Variants in CNOT3 observed in about 807,000 individuals in gnomAD.
CNOT3 encodes the protein CCR4-associated factor 3.
Under a neutral mutation model 89.4 loss-of-function variants are expected in CNOT3, and 2 were observed. That is an observed-to-expected ratio of 0.02 (90% CI 0.01 to 0.07). The LOEUF is 0.07. Ranked by LOEUF, CNOT3 falls within the 10% of genes least tolerant of loss-of-function variation. The probability of loss-of-function intolerance (pLI) is 1.00; values close to 1 mark genes in which losing one functional copy is unlikely to be tolerated. For missense variants in CNOT3, 664 were observed against 1,010.2 expected (o/e 0.66, Z 4.65); for synonymous variants, 486 against 402.0 (o/e 1.21, Z -2.50).
At position 54,148,698 on chromosome 19, in the gene CNOT3, C is replaced by T. The variant is rs764961664; in HGVS notation, c.1361C>T (p.Ala454Val). The T allele has an allele frequency of 1.2e-6, 2 of 1,611,946 alleles. No homozygotes were observed. Among genetic ancestry groups the T allele is most frequent in the Non-Finnish European group, 1.7e-6 (2 of 1,179,258 alleles). The stretch of plus-strand genomic sequence containing the variant: ...GGGGGCAACAATGCCAGCAGCCAGG[C>T]CTTGGGCCCCCCTTCCGGCCCCCAC... ...SSGGNNASSQ[A>V]LGPPSGPHNP... Residue 454 changes from alanine (A) to valine (V), a missense_variant, in exon 12 of 18, where the codon GCC (alanine) becomes GTC (valine). This residue lies in a region of CNOT3 where 545 missense variants were observed against 566.2 expected (regional missense o/e 0.96). Coordinates refer to ENST00000221232, the MANE Select transcript of CNOT3 (RefSeq NM_014516.4). The surrounding 1 kb of genome is among the most constrained non-coding windows in gnomAD (Gnocchi z 6.3).
intron 1 of CNOT3, among the ~76,000 whole-genome samples, chr19:54,138,983 G>C (rs2074339158): frequency 6.6e-6 from 1 of 152,212 alleles, no homozygotes; most frequent in South Asian, 2.1e-4. Context: ...GCGTCTCCCA[G>C]TGATATCAGG....
At chr19:54,140,797 A>C (rs2146537951) in intron 1 of CNOT3, among the ~76,000 whole-genome samples, 1 of 152,078 alleles carries the variant, frequency 6.6e-6, no homozygotes, top group Admixed American at 6.5e-5. Flanking sequence ...TGACCCCTCC[A>C]GGACTTCCTT....
At chr19:54,150,004 C>G (rs587694943) in intron 13 of CNOT3, among the ~76,000 whole-genome samples, 20 of 152,252 alleles carry the variant, frequency 1.3e-4, no homozygotes, top group African/African-American at 4.6e-4. Flanking sequence ...GTCTCTTTTC[C>G]TTTCTCTTGG....
rs2074619131 is a variant in CNOT3, at chr19:54,145,335, C to A, written c.484-263C>A. 6.6e-6 allele frequency among the ~76,000 whole-genome samples: 1 copy of A among 152,044 alleles called. No individual in the cohort carries two copies. Among genetic ancestry groups the A allele is most frequent in the African/African-American group, 2.4e-5 (1 of 41,392 alleles). The stretch of plus-strand genomic sequence containing the variant: ...TGGGATGGCACAAGGACCTCTGGGT[C>A]TTTTAGAGGTTTCCAAGGACTCCTG... On this transcript the variant is annotated intron_variant, in intron 7 of 17. Coordinates refer to ENST00000221232, the MANE Select transcript of CNOT3 (RefSeq NM_014516.4). The surrounding 1 kb of genome is among the most constrained non-coding windows in gnomAD (Gnocchi z 5.9).
intron 13 of CNOT3, among the ~76,000 whole-genome samples, chr19:54,150,389 A>G (rs2075005229): frequency 6.6e-6 from 1 of 152,194 alleles, no homozygotes; most frequent in African/African-American, 2.4e-5. Context: ...GCTGGGCAGG[A>G]TGCAGCAGAG....
chr19:54,143,011 A>G lies in CNOT3; in HGVS notation c.25+8A>G, dbSNP rs987219148. ...ACAAGCGCAAACTCCAAGGTACTAGACTGACTTCCTGCTGCACCTGTAGCC... is the reference window on the plus strand; with the variant it reads ...ACAAGCGCAAACTCCAAGGTACTAGGCTGACTTCCTGCTGCACCTGTAGCC... On this transcript the variant is annotated splice_region_variant and intron_variant, in intron 2 of 17. Coordinates refer to ENST00000221232, the MANE Select transcript of CNOT3 (RefSeq NM_014516.4). 5.0e-6 allele frequency: 8 copies of G among 1,614,064 alleles called. No homozygotes were observed. Among genetic ancestry groups the G allele is most frequent in the Non-Finnish European group, 6.8e-6 (8 of 1,179,984 alleles).
chr19:54,152,290 A>G lies in CNOT3; in HGVS notation c.1670A>G (p.Glu557Gly). ...AERAAISSGI[E>G]DPVPTLHLTE... ...CGGGCAGCCATCAGCTCTGGCATTG[A>G]GGACCCTGTGCCAACGCTGCACCTG... is the stretch of plus-strand genomic sequence containing the variant. The change falls in exon 14 of 18, where the codon GAG (glutamate) becomes GGG (glycine). Residue 557 changes from glutamate (E) to glycine (G), a missense_variant. Transcript: ENST00000221232. 6.2e-7 allele frequency: 1 copy of G among 1,614,152 alleles called. No individual in the cohort carries two copies. The highest frequency in any genetic ancestry group is 1.1e-5 in the South Asian group (1 of 91,082).
intron 13 of CNOT3, among the ~76,000 whole-genome samples, chr19:54,151,036 C>A (rs1011301496): frequency 2.6e-5 from 4 of 152,100 alleles, no homozygotes; most frequent in African/African-American, 9.7e-5. Context: ...GGTGATCCAC[C>A]CACCTTGACC....
At chr19:54,139,746 T>TA (rs1403892296) in intron 1 of CNOT3, among the ~76,000 whole-genome samples, 1 of 152,090 alleles carries the variant, frequency 6.6e-6, no homozygotes, top group Admixed American at 6.5e-5. Flanking sequence ...GGATGTAAGA[T>TA]ACCTGAGTCT....
At position 54,142,944 on chromosome 19, in the gene CNOT3, G is replaced by A. The variant is rs2074512848; in HGVS notation, c.-35G>A. 2 of 1,610,560 alleles carry A rather than the reference G, an allele frequency of 1.2e-6. No homozygotes were observed. Among genetic ancestry groups the A allele is most frequent in the African/African-American group, 1.3e-5 (1 of 74,862 alleles). On this transcript the variant is annotated 5_prime_UTR_variant, in exon 2 of 18. Coordinates refer to ENST00000221232, the MANE Select transcript of CNOT3 (RefSeq NM_014516.4). ...CTCCTAGCAGCGTCCGTCTCCAAGA[G>A]AGTATGAAGAGAGTGCGTCTGTAGG...
At chr19:54,146,687 G>T (rs762308435) in intron 10 of CNOT3, 30 bp downstream of exon 10, 1 of 1,252,232 alleles carries the variant, frequency 8.0e-7, no homozygotes, top group Non-Finnish European at 1.2e-6. Context: ...GGGTGGGCAC[G>T]CCATTCACTC....
Position 54,149,708 on chromosome 19 carries a change from G to A in CNOT3, c.1555G>A (p.Gly519Ser), listed in dbSNP as rs1397111648. 48 of 1,613,784 alleles carry A rather than the reference G, an allele frequency of 3.0e-5. No individual in the cohort carries two copies. In the East Asian group the frequency reaches 5.6e-4, roughly 19 times the overall value. ...CAGCTTCAGTGATGCCAAGGCAGCC[G>A]GTGCCCTGCTCAATGGGCCTCCACA... is the stretch of plus-strand genomic sequence containing the variant. ...TPSFSDAKAA[G>S]ALLNGPPQFS... The change falls in exon 13 of 18, where the codon GGT (glycine) becomes AGT (serine). Residue 519 changes from glycine (G) to serine (S), a missense_variant. Gly to Ser is a moderately conservative substitution (Grantham distance 56, BLOSUM62 0). This residue lies in a region of CNOT3 where 545 missense variants were observed against 566.2 expected (regional missense o/e 0.96). Transcript: ENST00000221232.
At chr19:54,143,268 C>A in intron 3 of CNOT3, 82 bp downstream of exon 3, 1 of 1,295,574 alleles carries the variant, frequency 7.7e-7, no homozygotes, top group Non-Finnish European at 1.1e-6. Context: ...GGGTGTTGAC[C>A]AGCGGGAGGG....
chr19:54,155,103 C>T (rs1474466872), intron 17 of CNOT3: 5 of 609,580 alleles, frequency 8.2e-6, no homozygotes, highest in East Asian at 3.1e-5. Flanking sequence ...CGGCCCCCTC[C>T]GTTTCCTCCT....
chr19:54,149,840 C>A, intron 13 of CNOT3, 82 bp downstream of exon 13: 1 of 1,289,090 alleles, frequency 7.8e-7, no homozygotes, highest in Non-Finnish European at 1.0e-6. Flanking sequence ...GCACCCCTTG[C>A]CCCCACCCTC....
Position 54,152,697 on chromosome 19 carries a change from G to A in CNOT3, c.1904+71G>A, listed in dbSNP as rs1043332003. 8 of 1,321,900 alleles carry A rather than the reference G, an allele frequency of 6.1e-6. No homozygotes were observed. In the African/African-American group the frequency reaches 1.2e-4, roughly 19 times the overall value. The allele number at this position is 1,321,900 out of a possible 1,614,324, so 81.9% of individuals were successfully genotyped here. ...CGGAGGAGGCAGTGGCTGAACCTGT[G>A]AGGCTGTGGGTAGAGCACCAGGCCC... On this transcript the variant is annotated intron_variant, in intron 15 of 17. Transcript: ENST00000221232.
chr19:54,143,591 G>A (rs1568633413), intron 4 of CNOT3, 69 bp from the exon 5 acceptor site: 6 of 1,604,644 alleles, frequency 3.7e-6, no homozygotes, highest in Non-Finnish European at 4.3e-6. Context: ...CTGGGTCCCA[G>A]GGAGAAGGAG....
chr19:54,143,786 A>G, intron 5 of CNOT3, 37 bp downstream of exon 5: 1 of 1,593,094 alleles, frequency 6.3e-7, no homozygotes, highest in Non-Finnish European at 8.6e-7. Context: ...AGAGGTGGGA[A>G]GGTCACCAGA....
chr19:54,152,693 C>T (rs2146763339), intron 15 of CNOT3, 67 bp downstream of exon 15: 1 of 1,334,520 alleles, frequency 7.5e-7, no homozygotes, highest in African/African-American at 1.4e-5. Context: ...GTGGCTGAAC[C>T]TGTGAGGCTG....
Sources: allele counts gnomAD v4.1 joint callset (sites outside exome capture counted in the v4.1 genomes callset), GRCh38; gene constraint gnomAD v4.1.1; regional missense constraint gnomAD v4.1.1; non-coding constraint Gnocchi (gnomAD v3.1); transcripts MANE v1.5; gene names NCBI Gene and HGNC (gene_info 2026-07-23, HGNC 2026-07-21).